KIAA1217: variants seen among roughly 807,000 people sequenced by gnomAD.
The protein encoded by KIAA1217 is KIAA1217, also known as sickle tail protein homolog.
KIAA1217 carries 88 observed loss-of-function variants against 163.9 expected under a neutral mutation model. The observed-to-expected ratio is 0.54, with a 90% CI of 0.45 to 0.64. The LOEUF is 0.64. Among genes scored for constraint, KIAA1217 ranks in the 30% least tolerant of loss-of-function variants. KIAA1217 has a pLI of 0.00. For synonymous variants in KIAA1217, 903 were observed against 923.1 expected (o/e 0.98, Z 0.39); for missense variants, 2,372 against 2,475.0 (o/e 0.96, Z 0.88).
chr10:24,099,474 G>C (rs138623692), intron 2 of KIAA1217, among the ~76,000 whole-genome samples: 3,873 of 150,476 alleles, frequency 0.026, 153 homozygotes, highest in African/African-American at 0.09. Flanking sequence ...TCAGAATGAT[G>C]GTTTCCAGCT....
chr10:24,262,000 C>T lies in KIAA1217; in HGVS notation c.354+42091C>T, dbSNP rs1277899212. 2.0e-5 allele frequency among the ~76,000 whole-genome samples: 3 copies of T among 152,080 alleles called. No homozygotes were observed. In the East Asian group the frequency reaches 5.8e-4, roughly 29 times the overall value. ...ATGTGTATATGAAAAGAAAGTTTGA[C>T]CTGCAGGAATCATTGTAATGTATCA... On this transcript the variant is annotated intron_variant, in intron 2 of 20. Transcript: ENST00000376454.
chr10:23,749,131 G>A (rs764750064), intron 1 of KIAA1217, among the ~76,000 whole-genome samples: 5 of 151,358 alleles, frequency 3.3e-5, no homozygotes, highest in African/African-American at 1.2e-4. Context: ...TCCTCACCAC[G>A]TAGACACATC....
rs538071976 is a variant in KIAA1217 at position 23,814,533 on chromosome 10, A to G, written c.-321+119299A>G. Among the ~76,000 whole-genome samples, 9 of 152,324 alleles carry G rather than the reference A, an allele frequency of 5.9e-5. No homozygotes were observed. In the East Asian group the frequency reaches 1.4e-3, roughly 23 times the overall value. ...ACAGCAAGCATTGGGGATGACCCAA[A>G]CAAGCACTCAACATAAGTATTAAAT... On this transcript the variant is annotated intron_variant, in intron 1 of 18. Coordinates refer to the KIAA1217 transcript ENST00000376462.
chr10:24,264,765 TTCTCTCTCTC>T (rs55761615), intron 2 of KIAA1217, among the ~76,000 whole-genome samples: 2,078 of 131,918 alleles, frequency 0.016, 19 homozygotes, highest in African/African-American at 0.031. Context: ...CGGTCGGTCT[TTCTCTCTCTC>T]TCTCTCTCTC....
rs113636710 is a variant in KIAA1217 at position 24,281,180 on chromosome 10, A to G, written c.354+61271A>G. ...TACAATGTATGCAGTCTACTCTAGTATTAGCATCTTACATCAATATGGTAC... is the reference window on the plus strand; with the variant it reads ...TACAATGTATGCAGTCTACTCTAGTGTTAGCATCTTACATCAATATGGTAC... On this transcript the variant is annotated intron_variant, in intron 2 of 20. Coordinates refer to ENST00000376454, the MANE Select transcript of KIAA1217 (RefSeq NM_019590.5). 1.1e-3 allele frequency among the ~76,000 whole-genome samples: 171 copies of G among 152,360 alleles called. 1 individual carries two copies. Among genetic ancestry groups the G allele is most frequent in the African/African-American group, 3.9e-3 (163 of 41,578 alleles).
At chr10:23,862,699 A>G in intron 1 of KIAA1217, among the ~76,000 whole-genome samples, 1 of 152,128 alleles carries the variant, frequency 6.6e-6, no homozygotes, top group Non-Finnish European at 1.5e-5. Flanking sequence ...AGAGTGGCAG[A>G]CAAAGAAATC....
intron 1 of KIAA1217, among the ~76,000 whole-genome samples, chr10:23,791,459 C>T (rs75345902): frequency 0.011 from 1,624 of 152,172 alleles, 33 homozygotes; most frequent in African/African-American, 0.032. Flanking sequence ...AAATATATCA[C>T]GAGAGGATAA....
In KIAA1217 at chr10:24,473,669, C is replaced by G; in HGVS notation, c.1288C>G (p.Arg430Gly). 6.2e-7 allele frequency: 1 copy of G among 1,614,126 alleles called. No homozygotes were observed. Among genetic ancestry groups the G allele is most frequent in the South Asian group, 1.1e-5 (1 of 91,086 alleles). The change falls in exon 6 of 21, where the codon CGG becomes GGG. Residue 430 changes from arginine (R) to glycine (G), a missense_variant. Physicochemically the swap from Arg to Gly is moderately radical, Grantham distance 125. Transcript: ENST00000376454. The part of the protein sequence containing the change: ...HIIAYHRTAI[R>G]SASAYCNPSM... ...CATTGCATATCACCGCACCGCCATC[C>G]GGTCAGCGAGTGCTTATTGTAACCC...
intron 1 of KIAA1217, among the ~76,000 whole-genome samples, chr10:23,978,473 T>A (rs1469593737): frequency 6.6e-6 from 1 of 152,158 alleles, no homozygotes; most frequent in Non-Finnish European, 1.5e-5. Context: ...TAAATTAGAG[T>A]GGAATTCCTC....
chr10:23,993,285 CCCTCCCAAAGTG>C (rs752659745), intron 1 of KIAA1217, among the ~76,000 whole-genome samples: 39 of 151,736 alleles, frequency 2.6e-4, no homozygotes, highest in Non-Finnish European at 5.2e-4. Flanking sequence ...ACCTGCCTCG[CCCTCCCAAAGTG>C]CTAGGACTAC....
chr10:24,403,154 G>T (rs917276931), intron 3 of KIAA1217, among the ~76,000 whole-genome samples: 1 of 152,164 alleles, frequency 6.6e-6, no homozygotes, highest in East Asian at 1.9e-4. Context: ...GCATTGTGAA[G>T]ATTTCTTAGA....
At chr10:23,977,512 G>T (rs1845589419) in intron 1 of KIAA1217, among the ~76,000 whole-genome samples, 1 of 152,022 alleles carries the variant, frequency 6.6e-6, no homozygotes, top group Non-Finnish European at 1.5e-5. Context: ...TGAGAACTAG[G>T]AACAAGAAAG....
intron 2 of KIAA1217, among the ~76,000 whole-genome samples, chr10:24,308,877 C>T (rs1471002173): frequency 3.9e-5 from 6 of 152,002 alleles, no homozygotes; most frequent in Non-Finnish European, 7.4e-5. Context: ...AATCCCAGCA[C>T]TTTGGGAGTC....
chr10:24,342,652 ATTTT>A (rs11299912), intron 2 of KIAA1217, among the ~76,000 whole-genome samples: 7 of 93,492 alleles, frequency 7.5e-5, no homozygotes, highest in African/African-American at 1.8e-4. Flanking sequence ...ATACAACTCA[ATTTT>A]TTTTTTTTTT....
chr10:24,526,893 G>A (rs577560600), intron 13 of KIAA1217, among the ~76,000 whole-genome samples: 127 of 152,238 alleles, frequency 8.3e-4, no homozygotes, highest in Non-Finnish European at 1.5e-3. Flanking sequence ...TATATGTAAT[G>A]AAACTTGGGC....
intron 1 of KIAA1217, among the ~76,000 whole-genome samples, chr10:23,987,297 A>T (rs1220254761): frequency 6.7e-6 from 1 of 149,770 alleles, no homozygotes; most frequent in Non-Finnish European, 1.5e-5. Flanking sequence ...GAATGGCGTG[A>T]ACCCGGGAGG....
At chr10:23,848,639 GT>G (rs1299757516) in intron 1 of KIAA1217, among the ~76,000 whole-genome samples, 1 of 152,004 alleles carries the variant, frequency 6.6e-6, no homozygotes, top group African/African-American at 2.4e-5. Context: ...CATCATCCTT[GT>G]GGGTAGACCC....
intron 1 of KIAA1217, among the ~76,000 whole-genome samples, chr10:23,938,533 G>C (rs922685476): frequency 6.6e-6 from 1 of 151,626 alleles, no homozygotes; most frequent in Non-Finnish European, 1.5e-5. Flanking sequence ...ACAATAAAAA[G>C]ATACAAATTT....
chr10:24,163,294 C>T (rs553785610), intron 2 of KIAA1217, among the ~76,000 whole-genome samples: 3 of 152,192 alleles, frequency 2.0e-5, no homozygotes, highest in African/African-American at 7.2e-5. Context: ...TGCTCTGTGT[C>T]TTTGGAATGC....
Sources: allele counts gnomAD v4.1 joint callset (sites outside exome capture counted in the v4.1 genomes callset), GRCh38; gene constraint gnomAD v4.1.1; transcripts MANE v1.5; gene names NCBI Gene and HGNC (gene_info 2026-07-23, HGNC 2026-07-21).